Variants in CFAP43 observed in about 807,000 individuals in gnomAD.
The protein encoded by CFAP43 is cilia- and flagella-associated protein 43.
A neutral mutation model predicts 218.9 loss-of-function variants in CFAP43; 155 were observed. The ratio of observed to expected loss-of-function variants is 0.71; its 90% CI spans 0.62 to 0.81. CFAP43 has a LOEUF of 0.81. Ranked by LOEUF, CFAP43 falls within the 30% of genes least tolerant of loss-of-function variation. The pLI is 0.00. For missense variants in CFAP43, 1,778 were observed against 1,954.3 expected (o/e 0.91, Z 1.70); for synonymous variants, 645 against 681.3 (o/e 0.95, Z 0.83).
chr10:104,164,623 C>A (rs908120331), intron 23 of CFAP43, among the ~76,000 whole-genome samples: 1 of 152,184 alleles, frequency 6.6e-6, no homozygotes, highest in African/African-American at 2.4e-5. Flanking sequence ...TGGTCTTGAT[C>A]TCCTGACCTT....
At chr10:104,135,940 C>T (rs765416943) in intron 34 of CFAP43, among the ~76,000 whole-genome samples, 6 of 152,010 alleles carry the variant, frequency 3.9e-5, no homozygotes, top group Non-Finnish European at 7.4e-5. Context: ...TAACATTTCC[C>T]TACTTCAAAG....
At chr10:104,216,171 A>C (rs143317887) in intron 3 of CFAP43, among the ~76,000 whole-genome samples, 4 of 152,288 alleles carry the variant, frequency 2.6e-5, no homozygotes, top group Non-Finnish European at 5.9e-5. Context: ...TCATCCCAGG[A>C]TACCTGCATC....
chr10:104,165,206 A>C (rs1466516662), intron 23 of CFAP43, among the ~76,000 whole-genome samples: 1 of 151,994 alleles, frequency 6.6e-6, no homozygotes, highest in African/African-American at 2.4e-5. Flanking sequence ...GATTGCCCCC[A>C]CTCCTGGTGA....
chr10:104,186,506 G>A (rs575138389), intron 14 of CFAP43, among the ~76,000 whole-genome samples: 10 of 152,110 alleles, frequency 6.6e-5, no homozygotes, highest in African/African-American at 1.2e-4. Flanking sequence ...GCCTCTGCAC[G>A]TGTCCTTCCT....
chr10:104,229,693 T>C (rs1198045069), intron 2 of CFAP43, among the ~76,000 whole-genome samples: 1 of 152,034 alleles, frequency 6.6e-6, no homozygotes, highest in African/African-American at 2.4e-5. Context: ...ACACTAATAA[T>C]TCAAATGGTA....
At chr10:104,179,805 C>G in intron 18 of CFAP43, 35 bp downstream of exon 18, 4 of 1,487,398 alleles carry the variant, frequency 2.7e-6, no homozygotes, top group Non-Finnish European at 3.7e-6. Flanking sequence ...ATCTACAGAG[C>G]ACTATTTCAA....
Position 104,146,276 on chromosome 10 carries a change from A to G in CFAP43, c.3842T>C (p.Leu1281Pro). 6.2e-7 allele frequency: 1 copy of G among 1,613,628 alleles called. No individual in the cohort carries two copies. The highest frequency in any genetic ancestry group is 8.5e-7 in the Non-Finnish European group (1 of 1,179,594). Residue 1281 changes from leucine (L) to proline (P), a missense_variant, in exon 30 of 38, where the codon CTG becomes CCG. Coordinates refer to ENST00000357060, the MANE Select transcript of CFAP43 (RefSeq NM_025145.7). ...AACAACTCTCACTTTGTCTTCTGCC[A>G]GTAAGTTGTCATAGTGCTCCTTGCA... ...DVCKEHYDNL[L>P]AEDKVMDRSF...
At chr10:104,191,802 A>C (rs915762174) in intron 12 of CFAP43, among the ~76,000 whole-genome samples, 2 of 151,244 alleles carry the variant, frequency 1.3e-5, no homozygotes, top group African/African-American at 2.4e-5. Flanking sequence ...GGGGGGGGAA[A>C]CACATATACA....
chr10:104,179,446 G>A (rs933798866), intron 18 of CFAP43, among the ~76,000 whole-genome samples: 7 of 152,196 alleles, frequency 4.6e-5, no homozygotes, highest in Non-Finnish European at 1.0e-4. Context: ...GACACGAGCT[G>A]TAATCAGTCA....
Position 104,145,485 on chromosome 10 carries a change from C to A in CFAP43, c.3935G>T (p.Arg1312Leu). Residue 1312 changes from arginine to leucine, a missense_variant, in exon 31 of 38, where the codon CGC becomes CTC. By Grantham distance (102) the Arg-to-Leu change is moderately radical (BLOSUM62 -2). This residue lies in a region of CFAP43 where 1,553 missense variants were observed against 1,685.2 expected (regional missense o/e 0.92). Transcript: ENST00000357060. ...TGAAGGAGAAACAAACCTTGGTCGG[C>A]GTTTAAAAAGTTTGTAGAGTATATC... ...QVDILYKLFK[R>L]RPRISKQKTH... 1 of 1,589,952 alleles carries A rather than the reference C, an allele frequency of 6.3e-7. No individual in the cohort carries two copies. The highest frequency in any genetic ancestry group is 8.6e-7 in the Non-Finnish European group (1 of 1,162,748).
chr10:104,171,744 T>G (rs1427003571), intron 20 of CFAP43, among the ~76,000 whole-genome samples: 1 of 152,178 alleles, frequency 6.6e-6, no homozygotes, highest in Admixed American at 6.5e-5. Context: ...TGCCAGAAAA[T>G]AATACAAAGG....
At chr10:104,141,864 C>T (rs778505833) in intron 33 of CFAP43, among the ~76,000 whole-genome samples, 1 of 152,146 alleles carries the variant, frequency 6.6e-6, no homozygotes, top group Non-Finnish European at 1.5e-5. Context: ...ATCTTAATCA[C>T]TTAGTAAACA....
At chr10:104,198,142 A>G in intron 8 of CFAP43, 104 bp from the exon 9 acceptor site, 1 of 639,068 alleles carries the variant, frequency 1.6e-6, no homozygotes, top group Non-Finnish European at 2.7e-6. Context: ...ATGTGGAAAC[A>G]GAATATGGGA....
chr10:104,182,180 C>T (rs1285829882), intron 17 of CFAP43, among the ~76,000 whole-genome samples, 186 bp downstream of exon 17: 1 of 152,114 alleles, frequency 6.6e-6, no homozygotes, highest in African/African-American at 2.4e-5. Context: ...GTACTATTTG[C>T]AATTGCTTTG....
rs559262075 is a variant in CFAP43 at position 104,208,172 on chromosome 10, C to T, written c.736-348G>A. Among the ~76,000 whole-genome samples, 3 of 152,298 alleles carry T rather than the reference C, an allele frequency of 2.0e-5. No homozygotes were observed. The East Asian group carries it at 5.8e-4, about 29-fold the overall frequency. Reference sequence around the variant, plus strand: ...TCTGTGGTGTCTGATTGAGATTTGACTCATAAGGAAGAGAGTTATTCACCG... The same window carrying T: ...TCTGTGGTGTCTGATTGAGATTTGATTCATAAGGAAGAGAGTTATTCACCG... On this transcript the variant is annotated intron_variant, in intron 5 of 37. Transcript: ENST00000357060.
chr10:104,207,839 T>C lies in CFAP43; in HGVS notation c.736-15A>G. The C allele has an allele frequency of 1.3e-6, 2 of 1,599,240 alleles. No individual in the cohort carries two copies. The highest frequency in any genetic ancestry group is 1.7e-6 in the Non-Finnish European group (2 of 1,174,164). On this transcript the variant is annotated splice_polypyrimidine_tract_variant and intron_variant, in intron 5 of 37. Transcript: ENST00000357060. ...TCATCTTTCGGCTTCAGGGAGAGAA[T>C]AAAACCTTGTGTTAAGAAAACAATC...
chr10:104,150,632 T>A (rs2088207055), intron 28 of CFAP43, among the ~76,000 whole-genome samples: 3 of 152,208 alleles, frequency 2.0e-5, no homozygotes, highest in African/African-American at 7.2e-5. Flanking sequence ...CCATCTTTTC[T>A]CATTAAGCCC....
Position 104,179,020 on chromosome 10 carries a change from A to G in CFAP43, c.2460+9T>C. On this transcript the variant is annotated intron_variant, in intron 19 of 37. Coordinates refer to ENST00000357060, the MANE Select transcript of CFAP43 (RefSeq NM_025145.7). ...CAAAGGTATTAGAATATGAAATTAC[A>G]ACACTTACAGTTTTGGAAAGTGATT... 2 of 1,604,714 alleles carry G rather than the reference A, an allele frequency of 1.2e-6. No homozygotes were observed. The highest frequency in any genetic ancestry group is 1.7e-6 in the Non-Finnish European group (2 of 1,172,622).
Position 104,161,177 on chromosome 10 carries a change from A to G in CFAP43, c.3415-15T>C. The G allele has an allele frequency of 6.2e-7, 1 of 1,611,568 alleles. No homozygotes were observed. Among genetic ancestry groups the G allele is most frequent in the Non-Finnish European group, 8.5e-7 (1 of 1,179,196 alleles). Reference sequence around the variant, plus strand: ...TGAGGAATCACCTGAAGATATGAAGAAAAGCATATATTTCAGCTCAAACGT... The same window carrying G: ...TGAGGAATCACCTGAAGATATGAAGGAAAGCATATATTTCAGCTCAAACGT... On this transcript the variant is annotated splice_polypyrimidine_tract_variant and intron_variant, in intron 26 of 37. Transcript: ENST00000357060.
Sources: allele counts gnomAD v4.1 joint callset (sites outside exome capture counted in the v4.1 genomes callset), GRCh38; gene constraint gnomAD v4.1.1; regional missense constraint gnomAD v4.1.1; transcripts MANE v1.5; gene names NCBI Gene and HGNC (gene_info 2026-07-23, HGNC 2026-07-21).